MAGI2: variants seen among roughly 807,000 people sequenced by gnomAD.
The protein encoded by MAGI2 is membrane-associated guanylate kinase, WW and PDZ domain-containing protein 2.
Under a neutral mutation model 133.3 loss-of-function variants are expected in MAGI2, and 35 were observed. The observed-to-expected ratio is 0.26, with a 90% CI of 0.20 to 0.35. The LOEUF (loss-of-function observed/expected upper bound fraction) is 0.35. Among genes scored for constraint, MAGI2 ranks in the 10% least tolerant of loss-of-function variants. The probability of loss-of-function intolerance (pLI) is 1.00; values close to 1 mark genes in which losing one functional copy is unlikely to be tolerated. For missense variants in MAGI2, 1,636 were observed against 1,863.4 expected (o/e 0.88, Z 2.25); for synonymous variants, 729 against 710.6 (o/e 1.03, Z -0.41).
chr7:78,928,328 T>C (rs2151650256), intron 2 of MAGI2, among the ~76,000 whole-genome samples: 1 of 152,030 alleles, frequency 6.6e-6, no homozygotes, highest in East Asian at 1.9e-4. Flanking sequence ...AGAGAGTCCC[T>C]TTTAGAATAT....
intron 21 of MAGI2, among the ~76,000 whole-genome samples, chr7:78,027,017 A>G (rs930940423): frequency 1.2e-4 from 19 of 152,198 alleles, no homozygotes; most frequent in Admixed American, 1.2e-3. Context: ...ATGAGGAAAC[A>G]GAGACACAGA....
chr7:78,911,627 G>A (rs1798404207), intron 2 of MAGI2, among the ~76,000 whole-genome samples: 1 of 151,050 alleles, frequency 6.6e-6, no homozygotes. Context: ...AGGGAATAAG[G>A]CAGTATCTAA....
chr7:79,419,621 T>C (rs1248309956), intron 1 of MAGI2, among the ~76,000 whole-genome samples: 1 of 152,042 alleles, frequency 6.6e-6, no homozygotes. Context: ...CATCTATGAT[T>C]TATCCAATAT....
At chr7:79,283,275 A>G (rs563930731) in intron 1 of MAGI2, among the ~76,000 whole-genome samples, 1 of 152,282 alleles carries the variant, frequency 6.6e-6, no homozygotes, top group African/African-American at 2.4e-5. Context: ...ATATAAATGC[A>G]TGAAACATTG....
Position 78,185,687 on chromosome 7 carries a change from G to A in MAGI2, c.2270-17C>T, listed in dbSNP as rs759054221. ...GCACTTGTTCTGGATGGGAAAATGG[G>A]GAATTAAAGTTGAAATTCATTTATG... On this transcript the variant is annotated splice_polypyrimidine_tract_variant and intron_variant, in intron 12 of 21. Coordinates refer to ENST00000354212, the MANE Select transcript of MAGI2 (RefSeq NM_012301.4). 1.9e-5 allele frequency: 30 copies of A among 1,547,942 alleles called. 1 individual carries two copies. Among genetic ancestry groups the A allele is most frequent in the South Asian group, 1.9e-4 (15 of 80,148 alleles).
intron 10 of MAGI2, among the ~76,000 whole-genome samples, chr7:78,209,665 T>C (rs1478531364): frequency 1.3e-5 from 2 of 152,162 alleles, no homozygotes; most frequent in African/African-American, 2.4e-5. Flanking sequence ...TTTACCTCCA[T>C]GGCCACCATT....
intron 20 of MAGI2, among the ~76,000 whole-genome samples, chr7:78,097,872 A>C (rs572034055): frequency 9.2e-5 from 14 of 152,270 alleles, no homozygotes; most frequent in African/African-American, 3.1e-4. Context: ...TAAATTTAGG[A>C]AAGGCAACTA....
intron 2 of MAGI2, among the ~76,000 whole-genome samples, chr7:78,871,366 T>A (rs906192129): frequency 2.0e-5 from 3 of 152,062 alleles, no homozygotes; most frequent in Non-Finnish European, 4.4e-5. Context: ...GGGTGAGGGA[T>A]ATAAGACTAC....
At chr7:78,308,525 A>ATCTTTTTTTTTT (rs1409015088) in intron 9 of MAGI2, among the ~76,000 whole-genome samples, 16 of 151,230 alleles carry the variant, frequency 1.1e-4, no homozygotes, top group Admixed American at 7.9e-4. Context: ...GGTCCGACCC[A>ATCTTTTTTTTTT]TCTTTTTTTT....
intron 2 of MAGI2, chr7:79,000,432 A>T (rs1400320444): frequency 6.6e-6 from 1 of 152,144 alleles, no homozygotes; most frequent in Non-Finnish European, 1.5e-5. Context: ...TATAGTACTA[A>T]TTTTTGCTTG....
At chr7:79,251,127 G>A (rs956640139) in intron 1 of MAGI2, among the ~76,000 whole-genome samples, 9 of 152,156 alleles carry the variant, frequency 5.9e-5, no homozygotes, top group African/African-American at 2.2e-4. Flanking sequence ...CTCAAACTAT[G>A]AAACTACTAG....
chr7:78,660,096 G>A (rs1812771692), intron 2 of MAGI2, among the ~76,000 whole-genome samples: 1 of 149,978 alleles, frequency 6.7e-6, no homozygotes, highest in Non-Finnish European at 1.5e-5. Flanking sequence ...CACAGGAAGG[G>A]GAACATCACA....
intron 2 of MAGI2, among the ~76,000 whole-genome samples, chr7:78,993,929 G>T (rs956525395): frequency 1.6e-4 from 24 of 152,176 alleles, no homozygotes; most frequent in Non-Finnish European, 3.1e-4. Context: ...AATTTGCTCA[G>T]TCATCCCAGA....
chr7:78,529,667 G>GTTTTTTTT lies in MAGI2; in HGVS notation c.539-8023_539-8022insAAAAAAAA, dbSNP rs1563128653. On this transcript the variant is annotated intron_variant, in intron 3 of 21. Transcript: ENST00000354212. ...TTTTCTTTTCCTTGCTAAAGGAGAT[G>GTTTTTTTT]GTTTTTTTTTTTTTTTTTTTTTTTT... 9.8e-4 allele frequency among the ~76,000 whole-genome samples: 55 copies of GTTTTTTTT among 56,328 alleles called. 2 individuals carry two copies. Among genetic ancestry groups the GTTTTTTTT allele is most frequent in the African/African-American group, 3.4e-3 (52 of 15,440 alleles). 37.0% of individuals were successfully genotyped at this position (56,328 alleles called of 152,430 possible). A position where few individuals can be genotyped will look rare whatever the true frequency, so the allele number is the denominator to read the frequency against.
chr7:78,243,175 T>G (rs1791337605), intron 10 of MAGI2, among the ~76,000 whole-genome samples: 1 of 151,626 alleles, frequency 6.6e-6, no homozygotes, highest in African/African-American at 2.4e-5. Context: ...CTAAAATATT[T>G]GGGGGTAAAG....
At chr7:78,834,519 T>C (rs990266376) in intron 2 of MAGI2, among the ~76,000 whole-genome samples, 1 of 152,254 alleles carries the variant, frequency 6.6e-6, no homozygotes, top group African/African-American at 2.4e-5. Flanking sequence ...TATCAGTTTT[T>C]CATTCCTTTT....
chr7:78,856,837 A>T (rs1184965171), intron 2 of MAGI2, among the ~76,000 whole-genome samples: 1 of 152,086 alleles, frequency 6.6e-6, no homozygotes, highest in Non-Finnish European at 1.5e-5. Context: ...ATAAAGTACC[A>T]CGGGCAGTGT....
intron 9 of MAGI2, among the ~76,000 whole-genome samples, chr7:78,291,514 C>A (rs1222001232): frequency 6.6e-6 from 1 of 152,160 alleles, no homozygotes; most frequent in African/African-American, 2.4e-5. Context: ...CAAGGAGGAG[C>A]TGGTACCATT....
intron 16 of MAGI2, among the ~76,000 whole-genome samples, chr7:78,140,426 G>A (rs1231548223): frequency 6.6e-6 from 1 of 152,160 alleles, no homozygotes; most frequent in Non-Finnish European, 1.5e-5. Context: ...TATTAAAAAG[G>A]CAAAGTGGAT....
Sources: allele counts gnomAD v4.1 joint callset (sites outside exome capture counted in the v4.1 genomes callset), GRCh38; gene constraint gnomAD v4.1.1; transcripts MANE v1.5; gene names NCBI Gene and HGNC (gene_info 2026-07-23, HGNC 2026-07-21).